The following AFF2 variants were observed in gnomAD, a reference collection of about 807,000 sequenced individuals.
AFF2 encodes ALF transcription elongation factor 2.
A neutral mutation model predicts 76.9 loss-of-function variants in AFF2; 14 were observed. The ratio of observed to expected loss-of-function variants is 0.18; its 90% CI spans 0.12 to 0.28. The LOEUF is 0.28. Among genes scored for constraint, AFF2 ranks in the 10% least tolerant of loss-of-function variants. The pLI, the probability that AFF2 is intolerant of heterozygous loss-of-function variation, is 1.00. For synonymous variants in AFF2, 398 were observed against 366.7 expected, an observed-to-expected ratio of 1.09 and a Z score of -0.98; for missense variants, 868 against 1,001.1, an observed-to-expected ratio of 0.87 and a Z score of 1.79.
chrX:148,577,201 A>G (rs2053298581), intron 1 of AFF2, among the ~76,000 whole-genome samples: 1 of 111,839 alleles, frequency 8.9e-6, no homozygotes, highest in African/African-American at 3.2e-5. Context: ...GACCTGCTCT[A>G]TTAGACCAGT....
intron 4 of AFF2, among the ~76,000 whole-genome samples, chrX:148,817,978 C>A (rs782539271): frequency 9.0e-6 from 1 of 111,374 alleles, no homozygotes; most frequent in East Asian, 2.8e-4. Context: ...AAAATATATC[C>A]ACCTTAACCC....
In AFF2 at chrX:148,951,363, T is replaced by C. The variant is rs16994857; in HGVS notation, c.1398-2217T>C. Among the ~76,000 whole-genome samples the C allele has an allele frequency of 9.3e-3, 1,041 of 111,889 alleles. 15 individuals carry two copies. Among genetic ancestry groups the C allele is most frequent in the African/African-American group, 0.032 (999 of 30,816 alleles). ...TCTTACAGAAGTTGCTAAAAAATTA[T>C]CTAGTAAGTGGAACTCTATCCAGAA... On this transcript the variant is annotated intron_variant, in intron 9 of 20. Coordinates refer to ENST00000370460, the MANE Select transcript of AFF2 (RefSeq NM_002025.4).
At chrX:148,783,017 C>T (rs1242513013) in intron 3 of AFF2, among the ~76,000 whole-genome samples, 5 of 111,953 alleles carry the variant, frequency 4.5e-5, no homozygotes, top group African/African-American at 1.6e-4. Flanking sequence ...TCTTTACAGA[C>T]GATCCTTGCT....
At chrX:148,721,558 G>A (rs2055092809) in intron 3 of AFF2, among the ~76,000 whole-genome samples, 1 of 112,110 alleles carries the variant, frequency 8.9e-6, no homozygotes, top group Admixed American at 9.4e-5. Flanking sequence ...CAGGTTGTCT[G>A]TGTCAGCCCT....
intron 1 of AFF2, among the ~76,000 whole-genome samples, chrX:148,581,390 ATATACG>A (rs2053395250): frequency 2.8e-5 from 1 of 36,246 alleles, no homozygotes; most frequent in African/African-American, 7.0e-5. Context: ...ATATACACGT[ATATACG>A]TATACGTGTA....
At chrX:148,634,264 A>T (rs782014339) in intron 1 of AFF2, among the ~76,000 whole-genome samples, 18 of 111,847 alleles carry the variant, frequency 1.6e-4, no homozygotes, top group Non-Finnish European at 2.8e-4. Context: ...TTGCAATATC[A>T]CTGAAACTCC....
At chrX:148,734,563 C>T (rs201225045) in intron 3 of AFF2, among the ~76,000 whole-genome samples, 7 of 111,612 alleles carry the variant, frequency 6.3e-5, no homozygotes, top group South Asian at 3.8e-4. Context: ...CAGGAAATGA[C>T]GTATATGATA....
chrX:148,768,081 C>T (rs2069540977), intron 3 of AFF2, among the ~76,000 whole-genome samples: 1 of 107,550 alleles, frequency 9.3e-6, no homozygotes, highest in East Asian at 3.0e-4. Context: ...TGACTGTTTC[C>T]ACTTACTTCC....
intron 1 of AFF2, among the ~76,000 whole-genome samples, chrX:148,536,022 C>T (rs781924364): frequency 1.1e-3 from 118 of 110,888 alleles, no homozygotes; most frequent in Middle Eastern, 4.6e-3. Context: ...GAGATTGAGA[C>T]CATCTGGCCA....
chrX:148,710,647 C>T (rs2054956080), intron 3 of AFF2, among the ~76,000 whole-genome samples: 1 of 111,778 alleles, frequency 8.9e-6, no homozygotes, highest in Non-Finnish European at 1.9e-5. Context: ...TAATATAAAA[C>T]ACATTGAGAA....
Position 148,997,203 on chromosome X carries a change from C to A in AFF2, c.*5871C>A, listed in dbSNP as rs1385254743. On this transcript the variant is annotated 3_prime_UTR_variant, in exon 21 of 21. Coordinates refer to ENST00000370460, the MANE Select transcript of AFF2 (RefSeq NM_002025.4). ...AACAATAATCCAAACCAAAATAATT[C>A]TTTTTCCACCCAGTACGAAGAAAAC... 5.4e-5 allele frequency: 6 copies of A among 111,614 alleles called. No individual in the cohort carries two copies. The highest frequency in any genetic ancestry group is 4.8e-4 in the Admixed American group (5 of 10,502). The allele number at this position is 111,614 out of a possible 1,213,427, so 9.2% of individuals were successfully genotyped here.
chrX:148,504,606 TGTC>T (rs1282904045), intron 1 of AFF2, among the ~76,000 whole-genome samples: 1 of 113,185 alleles, frequency 8.8e-6, no homozygotes, highest in Non-Finnish European at 1.9e-5. Context: ...TGTGTGGGGC[TGTC>T]AAGGCTGAGA....
intron 3 of AFF2, among the ~76,000 whole-genome samples, chrX:148,784,084 C>T (rs1340370167): frequency 1.8e-5 from 2 of 112,198 alleles, no homozygotes; most frequent in East Asian, 5.6e-4. Context: ...ATTTCCTCTC[C>T]AGTGGCTGAG....
intron 1 of AFF2, among the ~76,000 whole-genome samples, chrX:148,613,533 C>T (rs1557249792): frequency 9.0e-6 from 1 of 111,483 alleles, no homozygotes; most frequent in East Asian, 2.9e-4. Flanking sequence ...TACTCCATTG[C>T]CATCTGCCTA....
At chrX:148,832,043 G>T (rs73607907) in intron 4 of AFF2, among the ~76,000 whole-genome samples, 3,706 of 112,333 alleles carry the variant, frequency 0.033, 120 homozygotes, top group African/African-American at 0.1. Context: ...TAGTTTTGGT[G>T]ACGGAAAGAT....
intron 17 of AFF2, 145 bp from the exon 18 acceptor site, chrX:148,978,217 C>G: frequency 1.9e-6 from 1 of 512,874 alleles, no homozygotes; most frequent in East Asian, 3.4e-5. Flanking sequence ...TTGCCCCTTC[C>G]CTCTTTAGAA....
rs554685053 is a variant in AFF2, at chrX:148,751,364, G to A, written c.1042-58512G>A. 3.6e-5 allele frequency among the ~76,000 whole-genome samples: 4 copies of A among 112,285 alleles called. 1 individual carries two copies. The South Asian group carries it at 1.5e-3, about 41-fold the overall frequency. ...TTCATTATGATGTATGTGAGAGCTAGATTATTCCCTCTATGCAATAGTTGT... is the reference window on the plus strand; with the variant it reads ...TTCATTATGATGTATGTGAGAGCTAAATTATTCCCTCTATGCAATAGTTGT... On this transcript the variant is annotated intron_variant, in intron 3 of 20. Transcript: ENST00000370460.
intron 7 of AFF2, among the ~76,000 whole-genome samples, chrX:148,881,277 AC>A (rs1162545419): frequency 8.9e-6 from 1 of 111,846 alleles, no homozygotes; most frequent in Non-Finnish European, 1.9e-5. Context: ...GCCCAGTCTT[AC>A]ACGCAAACTT....
chrX:148,614,736 T>TTCTTTC (rs1557250011), intron 1 of AFF2, among the ~76,000 whole-genome samples: 1 of 69,481 alleles, frequency 1.4e-5, no homozygotes, highest in East Asian at 4.3e-4. Flanking sequence ...TTTCTTTCCT[T>TTCTTTC]CTTTTCTTTC....
Sources: gnomAD v4.1 joint callset for allele counts (sites outside exome capture counted in the v4.1 genomes callset) on GRCh38, gnomAD v4.1.1 for gene constraint, MANE v1.5 for transcripts, NCBI Gene and HGNC (gene_info 2026-07-23, HGNC 2026-07-21) for gene names.